Variants in HOXC4 observed in about 807,000 individuals in gnomAD.
The protein encoded by HOXC4 is homeobox protein Hox-C4.
Under a neutral mutation model 25.5 loss-of-function variants are expected in HOXC4, and 15 were observed. The ratio of observed to expected loss-of-function variants is 0.59; its 90% CI spans 0.39 to 0.91. The LOEUF (loss-of-function observed/expected upper bound fraction) is 0.91, where lower values mean the gene tolerates loss of function less well. HOXC4 is among the 40% of genes least tolerant of loss of function. The pLI, the probability that HOXC4 is intolerant of heterozygous loss-of-function variation, is 0.00. For missense variants in HOXC4, 342 were observed against 352.4 expected, an observed-to-expected ratio of 0.97 and a Z score of 0.24; for synonymous variants, 165 against 148.0, an observed-to-expected ratio of 1.11 and a Z score of -0.83.
At chr12:54,036,056 C>T (rs893638478) in intron 1 of HOXC4, among the ~76,000 whole-genome samples, 3 of 151,914 alleles carry the variant, frequency 2.0e-5, no homozygotes, top group Admixed American at 6.6e-5. Context: ...GCTGGAGTCA[C>T]GTCTGTCTGC....
chr12:54,027,697 G>A (rs1034431136), intron 1 of HOXC4, among the ~76,000 whole-genome samples: 7 of 151,998 alleles, frequency 4.6e-5, no homozygotes, highest in African/African-American at 1.7e-4. Context: ...CCCAACAGAG[G>A]GGTCCTGAGA....
intron 1 of HOXC4, among the ~76,000 whole-genome samples, chr12:54,017,670 G>A (rs1940216368): frequency 6.6e-6 from 1 of 152,040 alleles, no homozygotes; most frequent in South Asian, 2.1e-4. Context: ...CAAGGGAACA[G>A]CACCTGTGGG....
intron 1 of HOXC4, chr12:54,029,047 C>G (rs372116179): frequency 2.2e-6 from 2 of 918,472 alleles, no homozygotes; most frequent in East Asian, 2.6e-5. Flanking sequence ...CGTCTCCTCA[C>G]CGAGACAGGG....
chr12:54,019,122 G>A (rs1940304039), intron 1 of HOXC4, among the ~76,000 whole-genome samples: 2 of 128,634 alleles, frequency 1.6e-5, no homozygotes. Flanking sequence ...CCATCATAAA[G>A]GCCTCTGAGG....
In HOXC4 at chr12:54,033,344, C is replaced by T. The variant is rs920512069; in HGVS notation, c.-124+15930C>T. ...ACCCCCGGGCTCACCCCGACCGCCC[C>T]GCCTGCAGCGCCGCGGCCGCTCCGG... On this transcript the variant is annotated intron_variant, in intron 1 of 3. Transcript: ENST00000303406. 17 of 1,612,892 alleles carry T rather than the reference C, an allele frequency of 1.1e-5. No homozygotes were observed. In the African/African-American group the frequency reaches 1.1e-4, roughly 10 times the overall value.
chr12:54,033,124 T>C (rs748034273), intron 1 of HOXC4: 2 of 1,597,364 alleles, frequency 1.3e-6, no homozygotes. Flanking sequence ...CTCCCCGCCA[T>C]GAGCTCCTAC....
intron 1 of HOXC4, chr12:54,021,538 G>A (rs1473467897): frequency 6.6e-6 from 1 of 152,238 alleles, no homozygotes; most frequent in Non-Finnish European, 1.5e-5. Flanking sequence ...ATAAAAGAAA[G>A]CAGGGACCAG....
At chr12:54,048,869 A>T (rs769774040), upstream of HOXC4, among the ~76,000 whole-genome samples, 2 of 152,216 alleles carry the variant, frequency 1.3e-5, no homozygotes, top group East Asian at 3.8e-4. Flanking sequence ...TTTTCAAGCC[A>T]CATTTAGGTT....
chr12:54,029,328 G>A (rs1035900363), intron 1 of HOXC4, among the ~76,000 whole-genome samples: 1 of 152,108 alleles, frequency 6.6e-6, no homozygotes, highest in African/African-American at 2.4e-5. Context: ...GAGAAAGGGG[G>A]CCCTCATCCC....
chr12:54,019,002 T>C (rs915246055), intron 1 of HOXC4, among the ~76,000 whole-genome samples: 9 of 152,268 alleles, frequency 5.9e-5, no homozygotes, highest in Admixed American at 4.6e-4. Flanking sequence ...AAATACAGTT[T>C]GCATTCAGAT....
At chr12:54,024,663 C>A (rs1053989634) in intron 1 of HOXC4, among the ~76,000 whole-genome samples, 9 of 150,478 alleles carry the variant, frequency 6.0e-5, no homozygotes, top group African/African-American at 1.5e-4. Context: ...TGGGTCCAGT[C>A]CCACCCACCC....
At position 54,054,102 on chromosome 12, in the gene HOXC4, T is replaced by C. The variant is rs1326760692; in HGVS notation, c.180T>C (p.Pro60=). Residue 60 remains proline, a synonymous_variant, in exon 1 of 2, where the codon CCT becomes CCC. Transcript: ENST00000430889. The stretch of plus-strand genomic sequence containing the variant: ...TGTACCCACCACCGCCTCCGCGCCC[T>C]AGCTACCCTGAGCGCCAGTATAGCT... ...QELYPPPPPR[P]SYPERQYSCT... is the part of the protein sequence containing the mutation. 1.2e-6 allele frequency: 2 copies of C among 1,613,908 alleles called. No individual in the cohort carries two copies. Among genetic ancestry groups the C allele is most frequent in the Non-Finnish European group, 1.7e-6 (2 of 1,179,944 alleles).
chr12:54,053,844 G>A lies in HOXC4; in HGVS notation c.-79G>A. On this transcript the variant is annotated 5_prime_UTR_variant, in exon 1 of 2. Transcript: ENST00000430889. ...GTCACATGGTGAAAGTAACTTTACA[G>A]GGTCGCTAGCTAGTAGGAGGGCTTT... The A allele has an allele frequency of 8.9e-7, 1 of 1,125,724 alleles. No individual in the cohort carries two copies. Among genetic ancestry groups the A allele is most frequent in the Non-Finnish European group, 1.3e-6 (1 of 764,382 alleles). The allele number at this position is 1,125,724 out of a possible 1,614,324, so 69.7% of individuals were successfully genotyped here.
intron 1 of HOXC4, among the ~76,000 whole-genome samples, chr12:54,047,009 C>G (rs1038488989): frequency 3.3e-5 from 5 of 152,210 alleles, no homozygotes; most frequent in Non-Finnish European, 4.4e-5. Flanking sequence ...ACCGCCAGCC[C>G]TGTGGTCCCT....
In HOXC4 at chr12:54,055,529, A is replaced by G. The variant is rs1937959083; in HGVS notation, c.*324A>G. 6.6e-6 allele frequency: 1 copy of G among 152,540 alleles called. No homozygotes were observed. The allele number at this position is 152,540 out of a possible 1,614,324, so 9.4% of individuals were successfully genotyped here. A position where few individuals can be genotyped will look rare whatever the true frequency, so the allele number is the denominator to read the frequency against. ...TAAGAAAAAAAGCTGCAAAAATTAT[A>G]TATTGCAAGGTGTGATGGTCTGGCT... On this transcript the variant is annotated 3_prime_UTR_variant, in exon 2 of 2. Coordinates refer to ENST00000430889, the MANE Select transcript of HOXC4 (RefSeq NM_153633.3).
rs370649767 is a variant in HOXC4, at chr12:54,046,408, G to C, written c.-123-6752G>C. Among the ~76,000 whole-genome samples the C allele has an allele frequency of 7.0e-4, 107 of 152,240 alleles. 1 individual carries two copies. The South Asian group carries it at 7.5e-3, about 11-fold the overall frequency. On this transcript the variant is annotated intron_variant, in intron 1 of 3. Transcript: ENST00000303406. ...CCCGGCAACATTGCTGTGGGGGAGGGGGCCTGGGGGACAAGTATTGGGGTG... is the reference window on the plus strand; with the variant it reads ...CCCGGCAACATTGCTGTGGGGGAGGCGGCCTGGGGGACAAGTATTGGGGTG...
chr12:54,052,439 A>G (rs754956916), upstream of HOXC4, among the ~76,000 whole-genome samples: 2 of 152,202 alleles, frequency 1.3e-5, no homozygotes, highest in Admixed American at 6.5e-5. Flanking sequence ...ATTTTAAACT[A>G]TAATTGTTAT....
intron 1 of HOXC4, chr12:54,034,303 C>A: frequency 6.2e-7 from 1 of 1,614,066 alleles, no homozygotes; most frequent in Non-Finnish European, 8.5e-7. Context: ...GGTCCCGAAC[C>A]AGTTACACGC....
intron 1 of HOXC4, chr12:54,033,086 A>G (rs1297214258): frequency 1.9e-6 from 3 of 1,561,882 alleles, no homozygotes; most frequent in Non-Finnish European, 2.6e-6. Flanking sequence ...ACCCTTAATC[A>G]AAAAGGGTGC....
Sources: allele counts gnomAD v4.1 joint callset (sites outside exome capture counted in the v4.1 genomes callset), GRCh38; gene constraint gnomAD v4.1.1; transcripts MANE v1.5; gene names NCBI Gene and HGNC (gene_info 2026-07-23, HGNC 2026-07-21).